The following UIMC1 variants were observed in gnomAD, a reference collection of about 807,000 sequenced individuals.
UIMC1 encodes BRCA1-A complex subunit RAP80.
UIMC1 carries 42 observed loss-of-function variants against 84.9 expected under a neutral mutation model. The ratio of observed to expected loss-of-function variants is 0.49; its 90% CI spans 0.39 to 0.64. UIMC1 has a LOEUF of 0.64. Ranked by LOEUF, UIMC1 falls within the 30% of genes least tolerant of loss-of-function variation. The probability of loss-of-function intolerance (pLI) is 0.00; values close to 1 mark genes in which losing one functional copy is unlikely to be tolerated. For synonymous variants in UIMC1, 281 were observed against 293.0 expected, an observed-to-expected ratio of 0.96 and a Z score of 0.42; for missense variants, 825 against 847.6, an observed-to-expected ratio of 0.97 and a Z score of 0.33.
chr5:176,996,033 A>G (rs1456150921), intron 1 of UIMC1, among the ~76,000 whole-genome samples: 1 of 152,130 alleles, frequency 6.6e-6, no homozygotes. Flanking sequence ...CAAAAACTGG[A>G]AATAACCCAC....
chr5:176,953,302 T>A (rs1013810238), intron 8 of UIMC1, among the ~76,000 whole-genome samples: 1 of 152,200 alleles, frequency 6.6e-6, no homozygotes, highest in African/African-American at 2.4e-5. Context: ...GTAAGTTCTC[T>A]GTTATCTGAC....
intron 10 of UIMC1, among the ~76,000 whole-genome samples, chr5:176,927,712 A>T (rs568483750): frequency 6.6e-6 from 1 of 152,284 alleles, no homozygotes; most frequent in African/African-American, 2.4e-5. Flanking sequence ...AACCCTAGTT[A>T]ACTACAGAGG....
exon 1 of UIMC1, chr5:177,022,489 C>CA (rs968071129): frequency 2.7e-5 from 13 of 483,006 alleles, no homozygotes; most frequent in African/African-American, 2.0e-4. Flanking sequence ...AGCCATGAGC[C>CA]AAAACCACAC....
At chr5:177,008,063 C>A (rs2149552447), upstream of UIMC1, among the ~76,000 whole-genome samples, 1 of 151,560 alleles carries the variant, frequency 6.6e-6, no homozygotes, top group African/African-American at 2.4e-5. Context: ...CGAGATCACA[C>A]CACTGCACTC....
Position 176,970,880 on chromosome 5 carries a change from G to A in UIMC1, c.233-14C>T. On this transcript the variant is annotated splice_polypyrimidine_tract_variant and intron_variant, in intron 3 of 14. Transcript: ENST00000511320. The stretch of plus-strand genomic sequence containing the variant: ...CTTCTGTCATCTCTGTAAGAGGATA[G>A]GGAAAAGAGAAGGAGGAACACCACA... 6 of 1,612,280 alleles carry A rather than the reference G, an allele frequency of 3.7e-6. No individual in the cohort carries two copies. Among genetic ancestry groups the A allele is most frequent in the Non-Finnish European group, 4.2e-6 (5 of 1,179,356 alleles).
At chr5:177,014,336 G>C (rs2149554686) in intron 1 of UIMC1, among the ~76,000 whole-genome samples, 1 of 151,948 alleles carries the variant, frequency 6.6e-6, no homozygotes, top group Non-Finnish European at 1.5e-5. Context: ...TTATAGGCAT[G>C]AGCCACTGTG....
intron 10 of UIMC1, 59 bp downstream of exon 10, chr5:176,943,276 A>G: frequency 6.3e-7 from 1 of 1,586,978 alleles, no homozygotes; most frequent in East Asian, 2.2e-5. Context: ...TGTAATGTAT[A>G]GGATTATAAA....
At chr5:177,000,100 G>A (rs950819409) in intron 1 of UIMC1, among the ~76,000 whole-genome samples, 1 of 151,938 alleles carries the variant, frequency 6.6e-6, no homozygotes, top group African/African-American at 2.4e-5. Flanking sequence ...CTGGGATACA[G>A]GCGCCCGCCA....
intron 13 of UIMC1, among the ~76,000 whole-genome samples, chr5:176,906,850 T>G (rs1273929934): frequency 1.3e-5 from 2 of 152,238 alleles, no homozygotes; most frequent in African/African-American, 4.8e-5. Context: ...TATTCCCCTG[T>G]GTTTTGATAG....
At chr5:176,987,389 T>C (rs1026835076) in intron 1 of UIMC1, among the ~76,000 whole-genome samples, 6 of 152,124 alleles carry the variant, frequency 3.9e-5, no homozygotes, top group Non-Finnish European at 8.8e-5. Context: ...CTCATGTTTA[T>C]AATCCCAGCA....
chr5:176,932,558 G>A (rs963457467), intron 10 of UIMC1, among the ~76,000 whole-genome samples: 2 of 151,952 alleles, frequency 1.3e-5, no homozygotes, highest in East Asian at 3.9e-4. Flanking sequence ...AACATCAGCA[G>A]AATCCCAGAT....
chr5:176,980,232 G>C (rs540930186), intron 2 of UIMC1: 1 of 152,112 alleles, frequency 6.6e-6, no homozygotes, highest in African/African-American at 2.4e-5. Context: ...AATTGAATGA[G>C]CCAATTCCCC....
At chr5:176,935,987 C>G (rs1459150648) in intron 10 of UIMC1, among the ~76,000 whole-genome samples, 1 of 152,168 alleles carries the variant, frequency 6.6e-6, no homozygotes, top group East Asian at 1.9e-4. Context: ...CAGTTAATGC[C>G]TTCAGCTTCC....
intron 1 of UIMC1, 33 bp from the exon 2 acceptor site, chr5:176,982,656 T>G: frequency 6.3e-7 from 1 of 1,579,894 alleles, no homozygotes; most frequent in Non-Finnish European, 8.6e-7. Flanking sequence ...TTGTCTAGAA[T>G]AAAAAGATCA....
intron 6 of UIMC1, among the ~76,000 whole-genome samples, chr5:176,959,715 CA>C (rs1169116401): frequency 0.077 from 4,153 of 53,906 alleles, 101 homozygotes; most frequent in African/African-American, 0.18. Flanking sequence ...GACTCCGTCT[CA>C]AAAAAAAAAA....
intron 9 of UIMC1, among the ~76,000 whole-genome samples, chr5:176,943,707 T>C (rs1386504577): frequency 6.6e-6 from 1 of 152,250 alleles, no homozygotes; most frequent in Non-Finnish European, 1.5e-5. Flanking sequence ...CATGTATTAC[T>C]CGTTTATCAG....
intron 6 of UIMC1, among the ~76,000 whole-genome samples, chr5:176,963,622 C>A (rs1767875353): frequency 1.3e-5 from 2 of 151,796 alleles, no homozygotes; most frequent in Non-Finnish European, 2.9e-5. Flanking sequence ...GGTTTTTCCA[C>A]AGACTAGTTG....
chr5:176,945,961 C>T (rs1267713404), intron 9 of UIMC1, among the ~76,000 whole-genome samples: 1 of 152,128 alleles, frequency 6.6e-6, no homozygotes, highest in African/African-American at 2.4e-5. Context: ...GTATACTATA[C>T]TTCTACATAG....
intron 6 of UIMC1, among the ~76,000 whole-genome samples, chr5:176,959,236 T>C (rs994794625): frequency 6.6e-6 from 1 of 152,174 alleles, no homozygotes; most frequent in Non-Finnish European, 1.5e-5. Context: ...ACAAGGTTTT[T>C]ATTGAACTCT....
Sources: gnomAD v4.1 joint callset for allele counts (sites outside exome capture counted in the v4.1 genomes callset) on GRCh38, gnomAD v4.1.1 for gene constraint, MANE v1.5 for transcripts, NCBI Gene and HGNC (gene_info 2026-07-23, HGNC 2026-07-21) for gene names.